The following CNTN1 variants were observed in gnomAD, a reference collection of about 807,000 sequenced individuals.
CNTN1 encodes contactin 1, also known as contactin-1.
In CNTN1, 38 loss-of-function variants were observed where a neutral mutation model predicts 126.4. The ratio of observed to expected loss-of-function variants is 0.30; its 90% CI spans 0.23 to 0.39. The LOEUF is 0.39. Among genes scored for constraint, CNTN1 ranks in the 10% least tolerant of loss-of-function variants. The probability of loss-of-function intolerance (pLI) is 1.00; values close to 1 mark genes in which losing one functional copy is unlikely to be tolerated. For missense variants in CNTN1, 1,009 were observed against 1,248.4 expected (o/e 0.81, Z 2.89); for synonymous variants, 413 against 422.6 (o/e 0.98, Z 0.28).
At chr12:40,820,293 A>G (rs556367379) in intron 1 of CNTN1, among the ~76,000 whole-genome samples, 4 of 152,272 alleles carry the variant, frequency 2.6e-5, no homozygotes, top group South Asian at 2.1e-4. Flanking sequence ...CATCCCCATG[A>G]CCCAGACACC....
chr12:41,055,160 G>T (rs1269035220), intron 23 of CNTN1, among the ~76,000 whole-genome samples: 2 of 151,930 alleles, frequency 1.3e-5, no homozygotes, highest in African/African-American at 4.8e-5. Context: ...TTATTATCTT[G>T]GATTGGTCTA....
At chr12:40,931,791 G>A (rs1945894878) in intron 7 of CNTN1, among the ~76,000 whole-genome samples, 1 of 151,868 alleles carries the variant, frequency 6.6e-6, no homozygotes, top group South Asian at 2.1e-4. Flanking sequence ...AGCAGGCCTG[G>A]AATATGACCC....
At chr12:40,810,333 A>G (rs771709938) in intron 1 of CNTN1, among the ~76,000 whole-genome samples, 8 of 152,332 alleles carry the variant, frequency 5.3e-5, no homozygotes, top group Admixed American at 2.0e-4. Context: ...GATTTCCACA[A>G]TAAAGTTTGT....
At chr12:40,796,435 A>G (rs139824561) in intron 1 of CNTN1, among the ~76,000 whole-genome samples, 96 of 152,188 alleles carry the variant, frequency 6.3e-4, no homozygotes, top group African/African-American at 2.2e-3. Flanking sequence ...TGGAGACTTC[A>G]TTCCAGATAT....
intron 1 of CNTN1, among the ~76,000 whole-genome samples, chr12:40,767,241 A>ATAAG (rs1279164815): frequency 6.6e-6 from 1 of 151,012 alleles, no homozygotes; most frequent in Non-Finnish European, 1.5e-5. Flanking sequence ...ATACTATGAT[A>ATAAG]TAAGATGTTT....
At chr12:40,950,764 T>C (rs919637605) in intron 14 of CNTN1, among the ~76,000 whole-genome samples, 5 of 152,166 alleles carry the variant, frequency 3.3e-5, no homozygotes, top group Non-Finnish European at 7.4e-5. Context: ...AAGGTATCTA[T>C]GTTCCTGGGT....
At chr12:40,926,183 A>AGATAGAT (rs1194445637) in intron 6 of CNTN1, among the ~76,000 whole-genome samples, 7 of 150,278 alleles carry the variant, frequency 4.7e-5, no homozygotes, top group African/African-American at 1.7e-4. Context: ...ATAGATAGAT[A>AGATAGAT]GATAGATAGA....
intron 1 of CNTN1, among the ~76,000 whole-genome samples, chr12:40,759,376 CTG>C (rs1938747068): frequency 6.6e-6 from 1 of 152,060 alleles, no homozygotes; most frequent in Non-Finnish European, 1.5e-5. Flanking sequence ...CCAGAGGTCT[CTG>C]TTAGGTATTT....
intron 1 of CNTN1, among the ~76,000 whole-genome samples, chr12:40,707,026 A>G (rs920982137): frequency 2.7e-5 from 4 of 148,594 alleles, no homozygotes; most frequent in African/African-American, 1.0e-4. Context: ...ACATATAAAG[A>G]CGTGCGCGCG....
intron 1 of CNTN1, among the ~76,000 whole-genome samples, chr12:40,698,370 G>T (rs769096893): frequency 1.3e-5 from 2 of 151,384 alleles, no homozygotes; most frequent in Non-Finnish European, 2.9e-5. Flanking sequence ...CGAGTAGCTG[G>T]GACTACAGGT....
At chr12:40,821,688 AAATTTTGAAACATGTTAGGATACCTGT>A (rs1941445123) in intron 1 of CNTN1, among the ~76,000 whole-genome samples, 2 of 152,152 alleles carry the variant, frequency 1.3e-5, no homozygotes, top group Non-Finnish European at 2.9e-5. Context: ...CAAGTATCTC[AAATTTTGAAACATGTTAGGATACCTGT>A]TCACTATAGA....
chr12:40,897,032 T>G (rs573965692), intron 1 of CNTN1, among the ~76,000 whole-genome samples: 1 of 152,344 alleles, frequency 6.6e-6, no homozygotes, highest in South Asian at 2.1e-4. Flanking sequence ...GAAGATGGAG[T>G]ACATATATCT....
At chr12:40,959,065 A>G (rs1261067448) in intron 14 of CNTN1, 49 bp from the exon 15 acceptor site, 1 of 1,609,462 alleles carries the variant, frequency 6.2e-7, no homozygotes, top group African/African-American at 1.3e-5. Flanking sequence ...AATGCCACAT[A>G]ATTGGTGAAA....
In CNTN1 at chr12:40,943,732, A is replaced by C; in HGVS notation, c.1507+8A>C. 1 of 1,612,544 alleles carries C rather than the reference A, an allele frequency of 6.2e-7. No individual in the cohort carries two copies. The highest frequency in any genetic ancestry group is 8.5e-7 in the Non-Finnish European group (1 of 1,179,008). On this transcript the variant is annotated splice_region_variant and intron_variant, in intron 13 of 23. Coordinates refer to ENST00000551295, the MANE Select transcript of CNTN1 (RefSeq NM_001843.4). ...GAACCCTTGTTATCACAGGTAAGTTAATGTTTGAGGGTGCTTAATTTCTAA... is the reference window on the plus strand; with the variant it reads ...GAACCCTTGTTATCACAGGTAAGTTCATGTTTGAGGGTGCTTAATTTCTAA...
At chr12:40,745,832 A>G (rs1218118969) in intron 1 of CNTN1, among the ~76,000 whole-genome samples, 2 of 152,120 alleles carry the variant, frequency 1.3e-5, no homozygotes, top group African/African-American at 4.8e-5. Context: ...ATGTGATGTT[A>G]TGCCAGAGTC....
chr12:41,057,128 T>C (rs1473534096), intron 23 of CNTN1, among the ~76,000 whole-genome samples: 1 of 143,736 alleles, frequency 7.0e-6, no homozygotes, highest in African/African-American at 2.5e-5. Flanking sequence ...TATTTAGATA[T>C]TTATAAATAT....
chr12:40,992,942 T>C (rs1948127901), intron 16 of CNTN1, among the ~76,000 whole-genome samples, 178 bp from the exon 17 acceptor site: 1 of 152,224 alleles, frequency 6.6e-6, no homozygotes, highest in South Asian at 2.1e-4. Flanking sequence ...GTTTATTATA[T>C]ATTAAACCTC....
intron 1 of CNTN1, among the ~76,000 whole-genome samples, chr12:40,769,913 T>C (rs1423165332): frequency 6.6e-6 from 1 of 152,152 alleles, no homozygotes; most frequent in Non-Finnish European, 1.5e-5. Context: ...TAACAGAACA[T>C]TATTAAAAAT....
intron 17 of CNTN1, among the ~76,000 whole-genome samples, chr12:41,009,197 G>A (rs942406792): frequency 6.6e-6 from 1 of 152,216 alleles, no homozygotes; most frequent in African/African-American, 2.4e-5. Context: ...CCCTTGGGGA[G>A]AAAGGTGACT....
Sources: allele counts gnomAD v4.1 joint callset (sites outside exome capture counted in the v4.1 genomes callset), GRCh38; gene constraint gnomAD v4.1.1; transcripts MANE v1.5; gene names NCBI Gene and HGNC (gene_info 2026-07-23, HGNC 2026-07-21).